COL21A1: variants seen among roughly 807,000 people sequenced by gnomAD.
COL21A1 encodes collagen alpha-1(XXI) chain.
COL21A1 carries 149 observed loss-of-function variants against 137.9 expected under a neutral mutation model. The ratio of observed to expected loss-of-function variants is 1.08; its 90% CI spans 0.95 to 1.24. COL21A1 has a LOEUF of 1.24. Among genes scored for constraint, COL21A1 ranks in the 50% most tolerant of loss-of-function variants. The pLI is 0.00. For synonymous variants in COL21A1, 456 were observed against 391.5 expected, an observed-to-expected ratio of 1.16 and a Z score of -1.95; for missense variants, 1,167 against 1,158.4, an observed-to-expected ratio of 1.01 and a Z score of -0.11.
chr6:56,081,424 A>G (rs552538656), intron 17 of COL21A1, among the ~76,000 whole-genome samples: 54 of 151,920 alleles, frequency 3.6e-4, no homozygotes, highest in Non-Finnish European at 6.6e-4. Flanking sequence ...TCTTGATTAC[A>G]GAGTAATACT....
At chr6:56,304,888 C>G (rs1253135363) in intron 1 of COL21A1, among the ~76,000 whole-genome samples, 1 of 152,198 alleles carries the variant, frequency 6.6e-6, no homozygotes. Flanking sequence ...AAATTTCCCT[C>G]TACACACTGC....
chr6:56,206,689 AATAAATAAATATATATATATATATAT>A (rs1390240934), intron 1 of COL21A1, among the ~76,000 whole-genome samples: 1 of 22,204 alleles, frequency 4.5e-5, no homozygotes, highest in Non-Finnish European at 9.2e-5. Context: ...AAAATAAATA[AATAAATAAATATATATATATATATAT>A]ATATATATAT....
At chr6:56,316,717 A>G (rs1050127250) in intron 1 of COL21A1, among the ~76,000 whole-genome samples, 1 of 137,926 alleles carries the variant, frequency 7.3e-6, no homozygotes, top group Non-Finnish European at 1.7e-5. Context: ...CCTGGCCTCA[A>G]GTGATCCACC....
chr6:56,164,803 T>C lies in COL21A1; in HGVS notation c.1287+11A>G. On this transcript the variant is annotated intron_variant, in intron 8 of 29. Transcript: ENST00000244728. ...TATTACCTTAAGGGGAACAATAGTA[T>C]CCAAGCCTACCTCTCCATTCTGAAA... The C allele has an allele frequency of 6.4e-7, 1 of 1,567,138 alleles. No individual in the cohort carries two copies. The highest frequency in any genetic ancestry group is 1.2e-5 in the South Asian group (1 of 83,914).
intron 12 of COL21A1, 133 bp from the exon 13 acceptor site, chr6:56,126,282 A>T: frequency 1.7e-6 from 1 of 603,276 alleles, no homozygotes; most frequent in Non-Finnish European, 2.9e-6. Flanking sequence ...TCATATCAGC[A>T]TTCAATTATC....
chr6:56,314,939 C>T (rs1301491066), intron 1 of COL21A1, among the ~76,000 whole-genome samples: 2 of 152,126 alleles, frequency 1.3e-5, no homozygotes, highest in Non-Finnish European at 2.9e-5. Context: ...CACCTGTAGA[C>T]AAGAATCTCT....
chr6:56,354,235 A>C (rs1488309218), intron 1 of COL21A1, among the ~76,000 whole-genome samples: 1 of 152,254 alleles, frequency 6.6e-6, no homozygotes, highest in African/African-American at 2.4e-5. Context: ...GATAATGACC[A>C]GAAAGGGCAA....
intron 1 of COL21A1, among the ~76,000 whole-genome samples, chr6:56,242,128 C>T (rs1326586997): frequency 6.6e-6 from 1 of 152,086 alleles, no homozygotes; most frequent in Non-Finnish European, 1.5e-5. Context: ...TATACATACC[C>T]TATAAGTGGA....
chr6:56,159,249 T>C (rs112548167), intron 9 of COL21A1, among the ~76,000 whole-genome samples: 19 of 152,326 alleles, frequency 1.2e-4, no homozygotes, highest in African/African-American at 4.6e-4. Context: ...AAATCACTTA[T>C]TCATAACTAG....
At chr6:56,282,158 T>C (rs1481678588) in intron 1 of COL21A1, among the ~76,000 whole-genome samples, 1 of 152,204 alleles carries the variant, frequency 6.6e-6, no homozygotes, top group Non-Finnish European at 1.5e-5. Context: ...ATTTCTAGAC[T>C]AGAAAATCAC....
At chr6:56,343,279 A>C (rs1765511108) in intron 1 of COL21A1, among the ~76,000 whole-genome samples, 1 of 152,118 alleles carries the variant, frequency 6.6e-6, no homozygotes, top group African/African-American at 2.4e-5. Context: ...TTTGAGTTAC[A>C]TTTTACCTTC....
chr6:56,070,538 A>T (rs1478035745), intron 21 of COL21A1, among the ~76,000 whole-genome samples: 1 of 151,606 alleles, frequency 6.6e-6, no homozygotes, highest in Non-Finnish European at 1.5e-5. Context: ...GCCAAAGTTT[A>T]TATCTTTATT....
intron 1 of COL21A1, among the ~76,000 whole-genome samples, chr6:56,366,476 T>C (rs1054087975): frequency 2.7e-3 from 9 of 3,380 alleles, no homozygotes; most frequent in South Asian, 0.02. Context: ...AAAATAAATA[T>C]GTTTTTTAGA....
chr6:56,206,636 TG>T, intron 1 of COL21A1, among the ~76,000 whole-genome samples: 1 of 148,588 alleles, frequency 6.7e-6, no homozygotes, highest in East Asian at 1.9e-4. Context: ...CTGGACCAAG[TG>T]GACCTAATAG....
intron 1 of COL21A1, among the ~76,000 whole-genome samples, chr6:56,366,609 C>A (rs755202775): frequency 2.6e-5 from 4 of 152,196 alleles, no homozygotes; most frequent in Admixed American, 1.3e-4. Context: ...TGGAGCTCTG[C>A]CCCCTCTGTC....
At chr6:56,133,447 A>T (rs1280553596) in intron 12 of COL21A1, among the ~76,000 whole-genome samples, 2 of 151,000 alleles carry the variant, frequency 1.3e-5, no homozygotes, top group Non-Finnish European at 3.0e-5. Context: ...ATTCAATTTT[A>T]TAAATGAAGT....
At chr6:56,189,886 G>C (rs1464435360) in intron 1 of COL21A1, among the ~76,000 whole-genome samples, 1 of 152,114 alleles carries the variant, frequency 6.6e-6, no homozygotes, top group South Asian at 2.1e-4. Flanking sequence ...ATAAGCTAAG[G>C]AGAAATAAAA....
chr6:56,154,771 G>T (rs747885702), intron 10 of COL21A1, among the ~76,000 whole-genome samples: 10 of 152,166 alleles, frequency 6.6e-5, no homozygotes, highest in Admixed American at 4.6e-4. Context: ...CTCACACTCT[G>T]AATCCCTGTG....
intron 1 of COL21A1, among the ~76,000 whole-genome samples, chr6:56,231,799 C>CT (rs1781580423): frequency 6.6e-6 from 1 of 151,594 alleles, no homozygotes. Flanking sequence ...TTTTAAAGAG[C>CT]TCCAAAGACA....
Sources: allele counts gnomAD v4.1 joint callset (sites outside exome capture counted in the v4.1 genomes callset), GRCh38; gene constraint gnomAD v4.1.1; transcripts MANE v1.5; gene names NCBI Gene and HGNC (gene_info 2026-07-23, HGNC 2026-07-21).